ZNF578: variants seen among roughly 807,000 people sequenced by gnomAD.
ZNF578 encodes the protein zinc finger protein 578, also known as Putative chemokine-related protein B42.
Under a neutral mutation model 8.3 loss-of-function variants are expected in ZNF578, and 8 were observed. That is an observed-to-expected ratio of 0.96 (90% CI 0.56 to 1.74). The LOEUF is 1.74. Among genes scored for constraint, ZNF578 ranks in the 40% most tolerant of loss-of-function variants. The pLI is 0.00. For synonymous variants in ZNF578, 206 were observed against 232.2 expected, an observed-to-expected ratio of 0.89 and a Z score of 1.03; for missense variants, 726 against 707.5, an observed-to-expected ratio of 1.03 and a Z score of -0.30.
At chr19:52,509,589 A>T (rs1359061284) in intron 5 of ZNF578, among the ~76,000 whole-genome samples, 1 of 152,140 alleles carries the variant, frequency 6.6e-6, no homozygotes, top group Non-Finnish European at 1.5e-5. Context: ...CAACATGGTG[A>T]AACCCGGTCT....
Position 52,493,642 on chromosome 19 carries a change from G to A in ZNF578, c.-20+2217G>A, listed in dbSNP as rs73934541. The stretch of plus-strand genomic sequence containing the variant: ...AGCAGAGGAGACGCAGAGATAAGAG[G>A]CGGTAATATATAGAGATTGAGGACG... On this transcript the variant is annotated intron_variant, in intron 3 of 5. Transcript: ENST00000421239. 9.3e-3 allele frequency among the ~76,000 whole-genome samples: 1,411 copies of A among 152,112 alleles called. 24 individuals carry two copies. Among genetic ancestry groups the A allele is most frequent in the African/African-American group, 0.032 (1,325 of 41,484 alleles).
At chr19:52,477,185 G>A (rs1207620124) in intron 2 of ZNF578, among the ~76,000 whole-genome samples, 3 of 152,130 alleles carry the variant, frequency 2.0e-5, no homozygotes, top group Non-Finnish European at 4.4e-5. Flanking sequence ...GTCTCTAAAT[G>A]CCAGGGGGAG....
At chr19:52,508,634 T>G (rs2059433593) in intron 5 of ZNF578, among the ~76,000 whole-genome samples, 1 of 151,216 alleles carries the variant, frequency 6.6e-6, no homozygotes. Context: ...CCATCTCTAC[T>G]AAAAATACAA....
chr19:52,463,266 T>C (rs1386504203), intron 2 of ZNF578, among the ~76,000 whole-genome samples: 3 of 152,220 alleles, frequency 2.0e-5, no homozygotes, highest in African/African-American at 2.4e-5. Context: ...TCTTTTTATA[T>C]GTGCTGCAGT....
chr19:52,501,364 G>A (rs976352564), intron 3 of ZNF578, among the ~76,000 whole-genome samples: 5 of 152,202 alleles, frequency 3.3e-5, no homozygotes, highest in South Asian at 2.1e-4. Flanking sequence ...CGCTTTAGCA[G>A]GGATTCTTAT....
rs558904782 is a variant in ZNF578, at chr19:52,510,238, C to A, written c.191-334C>A. ...TTAAATATGAAGAGTATATATTTTT[C>A]TCTTCCTTGATGTGACAGTGATATG... On this transcript the variant is annotated intron_variant, in intron 5 of 5. Transcript: ENST00000421239. Among the ~76,000 whole-genome samples the A allele has an allele frequency of 7.3e-5, 11 of 151,046 alleles. No individual in the cohort carries two copies. In the South Asian group the frequency reaches 2.1e-3, roughly 29 times the overall value.
chr19:52,514,260 G>C lies in ZNF578; in HGVS notation c.*2106G>C, dbSNP rs1041051630. On this transcript the variant is annotated 3_prime_UTR_variant, in exon 6 of 6. Transcript: ENST00000421239. ...GCTCACATCATTCGTTTCTGTACTTGTATATTTTCCAGTTGTTTTCCGGTT... is the reference window on the plus strand; with the variant it reads ...GCTCACATCATTCGTTTCTGTACTTCTATATTTTCCAGTTGTTTTCCGGTT... 9.2e-5 allele frequency among the ~76,000 whole-genome samples: 14 copies of C among 152,098 alleles called. No homozygotes were observed. Among genetic ancestry groups the C allele is most frequent in the Admixed American group, 7.2e-4 (11 of 15,262 alleles).
chr19:52,498,701 T>TTTTTTTTTTTTTTA (rs1436867631), intron 3 of ZNF578, among the ~76,000 whole-genome samples: 4 of 134,606 alleles, frequency 3.0e-5, no homozygotes, highest in Admixed American at 1.6e-4. Flanking sequence ...TTTTTTTTTT[T>TTTTTTTTTTTTTTA]GTAAGACAGA....
intron 3 of ZNF578, among the ~76,000 whole-genome samples, chr19:52,496,385 AGTG>A (rs2059386508): frequency 7.0e-6 from 1 of 143,610 alleles, no homozygotes; most frequent in Non-Finnish European, 1.5e-5. Context: ...GCTGGAGTGC[AGTG>A]GCGCAATCTC....
chr19:52,509,863 CT>C (rs113220258), intron 5 of ZNF578, among the ~76,000 whole-genome samples: 35 of 151,124 alleles, frequency 2.3e-4, no homozygotes, highest in Middle Eastern at 6.8e-3. Flanking sequence ...ATTGTATTAA[CT>C]TTTTTTTTCT....
At chr19:52,498,849 A>C (rs2059396790) in intron 3 of ZNF578, among the ~76,000 whole-genome samples, 1 of 151,838 alleles carries the variant, frequency 6.6e-6, no homozygotes, top group South Asian at 2.1e-4. Flanking sequence ...TGCCTGGCTA[A>C]TTTTTTGTAT....
intron 2 of ZNF578, among the ~76,000 whole-genome samples, chr19:52,480,163 A>C (rs892773424): frequency 5.9e-5 from 9 of 152,120 alleles, no homozygotes; most frequent in African/African-American, 1.7e-4. Flanking sequence ...GCTTCGGCCT[A>C]CCAAAGTGCT....
intron 2 of ZNF578, chr19:52,474,399 A>G (rs1038259093): frequency 2.1e-4 from 62 of 293,202 alleles, no homozygotes; most frequent in African/African-American, 1.2e-3. Flanking sequence ...CATTCATTAC[A>G]TTTGTAAGGT....
At chr19:52,482,237 T>A (rs1193060636) in intron 2 of ZNF578, among the ~76,000 whole-genome samples, 2 of 152,196 alleles carry the variant, frequency 1.3e-5, no homozygotes, top group Admixed American at 1.3e-4. Context: ...TTCTTCATGT[T>A]GGTCTAGACT....
intron 2 of ZNF578, among the ~76,000 whole-genome samples, chr19:52,460,940 G>C (rs1195346159): frequency 6.6e-6 from 1 of 152,074 alleles, no homozygotes; most frequent in Non-Finnish European, 1.5e-5. Context: ...CTTGTTCATG[G>C]TGTCTGGTCT....
chr19:52,505,934 G>C (rs1206228720), intron 5 of ZNF578, among the ~76,000 whole-genome samples: 1 of 151,308 alleles, frequency 6.6e-6, no homozygotes, highest in African/African-American at 2.4e-5. Flanking sequence ...GTCTCACTCT[G>C]TTTCCCTGGC....
chr19:52,477,136 T>C (rs1050539847), intron 2 of ZNF578, among the ~76,000 whole-genome samples: 1 of 152,302 alleles, frequency 6.6e-6, no homozygotes. Flanking sequence ...TTAAGATGGC[T>C]CTTGCCCAAA....
intron 1 of ZNF578, chr19:52,454,768 C>T (rs1411427344): frequency 6.6e-6 from 1 of 152,014 alleles, no homozygotes; most frequent in Non-Finnish European, 1.5e-5. Flanking sequence ...AGCTTTTCAC[C>T]CATGGGATCT....
chr19:52,512,273 G>A lies in ZNF578; in HGVS notation c.*119G>A. On this transcript the variant is annotated 3_prime_UTR_variant, in exon 6 of 6. Transcript: ENST00000421239. ...TGGAGAGAAACCTTACAAGTGTAAT[G>A]AGTGTGGCAAAGCCTTTAGTGACCA... 14 of 1,592,938 alleles carry A rather than the reference G, an allele frequency of 8.8e-6. No homozygotes were observed. Among genetic ancestry groups the A allele is most frequent in the Non-Finnish European group, 1.2e-5 (14 of 1,161,032 alleles).
Sources: gnomAD v4.1 joint callset for allele counts (sites outside exome capture counted in the v4.1 genomes callset) on GRCh38, gnomAD v4.1.1 for gene constraint, MANE v1.5 for transcripts, NCBI Gene and HGNC (gene_info 2026-07-23, HGNC 2026-07-21) for gene names.